EML1: variants seen among roughly 807,000 people sequenced by gnomAD.
The protein encoded by EML1 is EMAP like 1.
EML1 carries 27 observed loss-of-function variants against 110.4 expected under a neutral mutation model. The observed-to-expected ratio is 0.24, with a 90% CI of 0.18 to 0.34. The LOEUF (loss-of-function observed/expected upper bound fraction) is 0.34, where lower values mean the gene tolerates loss of function less well. EML1 is among the 10% of genes least tolerant of loss of function. The pLI is 1.00. For synonymous variants in EML1, 344 were observed against 385.8 expected, an observed-to-expected ratio of 0.89 and a Z score of 1.27; for missense variants, 741 against 1,030.9, an observed-to-expected ratio of 0.72 and a Z score of 3.85.
chr14:99,804,764 T>C (rs577713880), intron 1 of EML1, among the ~76,000 whole-genome samples: 1 of 152,268 alleles, frequency 6.6e-6, no homozygotes, highest in East Asian at 1.9e-4. Flanking sequence ...GATTTCCTTG[T>C]CTTCACCTGT....
chr14:99,921,383 A>G (rs1291826741), intron 17 of EML1, among the ~76,000 whole-genome samples: 2 of 152,160 alleles, frequency 1.3e-5, no homozygotes, highest in African/African-American at 2.4e-5. Context: ...TAAAATCCCA[A>G]CAGAATTGAG....
rs1050813227 is a variant in EML1 at position 99,878,698 on chromosome 14, C to T, written c.518+79C>T. On this transcript the variant is annotated intron_variant, in intron 4 of 21. Transcript: ENST00000262233. ...GTCCCCAGAGAGGAGTCAGAAGATC[C>T]CCTCATATTCCAACAAGCTGGGAGT... 19 of 1,510,116 alleles carry T rather than the reference C, an allele frequency of 1.3e-5. No individual in the cohort carries two copies. The African/African-American group carries it at 2.1e-4, about 17-fold the overall frequency. The allele number at this position is 1,510,116 out of a possible 1,614,324, so 93.5% of individuals were successfully genotyped here. A position where few individuals can be genotyped will look rare whatever the true frequency, so the allele number is the denominator to read the frequency against.
At chr14:99,766,386 G>T (rs919054064) in intron 1 of EML1, among the ~76,000 whole-genome samples, 1 of 151,838 alleles carries the variant, frequency 6.6e-6, no homozygotes, top group African/African-American at 2.4e-5. Flanking sequence ...TAGAGACAGG[G>T]TTTCACTATG....
exon 1 of EML1, chr14:99,773,699 G>A (rs1206741378): frequency 3.9e-5 from 6 of 152,250 alleles, no homozygotes; most frequent in African/African-American, 1.4e-4. Context: ...GCAGGATCTT[G>A]TGGCAGAAAG....
chr14:99,912,860 A>G (rs1448230741), intron 13 of EML1, among the ~76,000 whole-genome samples: 1 of 152,240 alleles, frequency 6.6e-6, no homozygotes, highest in Non-Finnish European at 1.5e-5. Context: ...CCTCATTAGC[A>G]TGGGTCATCA....
At chr14:99,804,884 G>A (rs995015132) in intron 1 of EML1, among the ~76,000 whole-genome samples, 7 of 152,292 alleles carry the variant, frequency 4.6e-5, no homozygotes, top group Admixed American at 2.0e-4. Context: ...GTTCAGGGCC[G>A]ATTCTGGGAA....
intron 1 of EML1, among the ~76,000 whole-genome samples, chr14:99,776,812 G>C (rs2057487865): frequency 6.6e-6 from 1 of 152,168 alleles, no homozygotes; most frequent in Non-Finnish European, 1.5e-5. Context: ...AGAGTGGCCA[G>C]TATAAGAAGA....
chr14:99,819,304 A>G (rs1595336985), intron 1 of EML1, among the ~76,000 whole-genome samples: 1 of 152,216 alleles, frequency 6.6e-6, no homozygotes, highest in African/African-American at 2.4e-5. Context: ...TTATGAGAAT[A>G]CAGCCTATAT....
intron 15 of EML1, among the ~76,000 whole-genome samples, chr14:99,915,646 G>A (rs2060022362): frequency 2.0e-5 from 3 of 151,996 alleles, no homozygotes; most frequent in African/African-American, 7.3e-5. Context: ...GTGTAGAGAA[G>A]TTAAATAACT....
At chr14:99,762,233 T>C (rs1049795671) in intron 1 of EML1, among the ~76,000 whole-genome samples, 1 of 152,200 alleles carries the variant, frequency 6.6e-6, no homozygotes, top group Non-Finnish European at 1.5e-5. Flanking sequence ...TTAAATCTAG[T>C]GTTTTTTTCA....
chr14:99,865,024 A>C (rs183743764), intron 2 of EML1, among the ~76,000 whole-genome samples: 342 of 152,256 alleles, frequency 2.2e-3, no homozygotes, highest in African/African-American at 7.9e-3. Context: ...TTTTGGGGCT[A>C]TTCAAGCATG....
At chr14:99,775,939 G>C (rs1324043245) in intron 1 of EML1, among the ~76,000 whole-genome samples, 1 of 152,078 alleles carries the variant, frequency 6.6e-6, no homozygotes, top group East Asian at 1.9e-4. Flanking sequence ...ATATTTGAGA[G>C]GAATTTTACA....
intron 17 of EML1, among the ~76,000 whole-genome samples, chr14:99,923,661 C>T (rs983540355): frequency 1.9e-5 from 1 of 52,196 alleles, no homozygotes; most frequent in Non-Finnish European, 3.0e-5. Context: ...GTGTTTATCC[C>T]CGATTACTGT....
At chr14:99,838,337 G>A (rs1165929341) in intron 1 of EML1, among the ~76,000 whole-genome samples, 1 of 152,118 alleles carries the variant, frequency 6.6e-6, no homozygotes, top group African/African-American at 2.4e-5. Flanking sequence ...AAACCATGGT[G>A]TAAAATAAAA....
chr14:99,820,805 AAGG>A (rs1411176267), intron 1 of EML1, among the ~76,000 whole-genome samples: 1 of 152,046 alleles, frequency 6.6e-6, no homozygotes, highest in African/African-American at 2.4e-5. Flanking sequence ...CCTCCACTAC[AAGG>A]AGATGAGGAA....
Position 99,811,751 on chromosome 14 carries a change from A to G in EML1, c.67+18208A>G, listed in dbSNP as rs750557357. ...CTTGAAACTGGAAGGTTGAGGCTGC[A>G]GTGAGCCAAGATCACATCCCTGCAC... On this transcript the variant is annotated intron_variant, in intron 1 of 21. Transcript: ENST00000262233. Among the ~76,000 whole-genome samples the G allele has an allele frequency of 4.7e-4, 71 of 151,592 alleles. 1 individual carries two copies. Among genetic ancestry groups the G allele is most frequent in the Non-Finnish European group, 8.3e-4 (56 of 67,844 alleles).
chr14:99,899,712 CA>C (rs1226419097), intron 8 of EML1, among the ~76,000 whole-genome samples: 1 of 103,088 alleles, frequency 9.7e-6, no homozygotes, highest in African/African-American at 4.4e-5. Context: ...ATGGGTCTTT[CA>C]ATTTTTTTTT....
chr14:99,910,013 A>C (rs1178732794), intron 11 of EML1, among the ~76,000 whole-genome samples: 2 of 151,944 alleles, frequency 1.3e-5, no homozygotes, highest in African/African-American at 2.4e-5. Context: ...TTCCCCAGCC[A>C]CTTGGGGTTG....
At chr14:99,934,398 C>A (rs948103445) in intron 17 of EML1, among the ~76,000 whole-genome samples, 1 of 152,244 alleles carries the variant, frequency 6.6e-6, no homozygotes, top group Non-Finnish European at 1.5e-5. Flanking sequence ...GGTCTTACAT[C>A]GCCCCTATTT....
Sources: gnomAD v4.1 joint callset for allele counts (sites outside exome capture counted in the v4.1 genomes callset) on GRCh38, gnomAD v4.1.1 for gene constraint, MANE v1.5 for transcripts, NCBI Gene and HGNC (gene_info 2026-07-23, HGNC 2026-07-21) for gene names.